Variants in OSBPL5 observed in about 807,000 individuals in gnomAD.
The protein encoded by OSBPL5 is oxysterol-binding protein-related protein 5.
In OSBPL5, 71 loss-of-function variants were observed where a neutral mutation model predicts 111.2. The ratio of observed to expected loss-of-function variants is 0.64; its 90% CI spans 0.53 to 0.78. The LOEUF (loss-of-function observed/expected upper bound fraction) is 0.78, where lower values mean the gene tolerates loss of function less well. OSBPL5 is among the 30% of genes least tolerant of loss of function. The pLI, the probability that OSBPL5 is intolerant of heterozygous loss-of-function variation, is 0.00. For synonymous variants in OSBPL5, 549 were observed against 513.9 expected, an observed-to-expected ratio of 1.07 and a Z score of -0.93; for missense variants, 1,210 against 1,189.3, an observed-to-expected ratio of 1.02 and a Z score of -0.26.
chr11:3,161,809 C>T lies in OSBPL5; in HGVS notation c.-22+3407G>A, dbSNP rs1469922159. On this transcript the variant is annotated intron_variant, in intron 1 of 21. Coordinates refer to ENST00000263650, the MANE Select transcript of OSBPL5 (RefSeq NM_020896.4). This position sits in a 1 kb window ranked among gnomAD's most constrained non-coding sequence, Gnocchi z 8.0. ...TTTGGAATGGGTAACGGGCCAGGAA[C>T]AGAGACTCTCTCAGAGAGGCAGCAT... Among the ~76,000 whole-genome samples, 1 of 152,212 alleles carries T rather than the reference C, an allele frequency of 6.6e-6. No individual in the cohort carries two copies. The highest frequency in any genetic ancestry group is 1.5e-5 in the Non-Finnish European group (1 of 68,044).
Position 3,126,410 on chromosome 11 carries a change from C to A in OSBPL5, c.219+63G>T. 7.0e-7 allele frequency: 1 copy of A among 1,426,858 alleles called. No individual in the cohort carries two copies. Among genetic ancestry groups the A allele is most frequent in the Non-Finnish European group, 9.3e-7 (1 of 1,071,882 alleles). 88.4% of individuals were successfully genotyped at this position (1,426,858 alleles called of 1,614,324 possible). ...ACGCCCTGCTGTCCTTTTCCCCAGC[C>A]GTTTCCTGCTGTCCCCAGAGCCAGG... is the stretch of plus-strand genomic sequence containing the variant. On this transcript the variant is annotated intron_variant, in intron 3 of 21. Coordinates refer to ENST00000263650, the MANE Select transcript of OSBPL5 (RefSeq NM_020896.4). The surrounding 1 kb of genome is among the most constrained non-coding windows in gnomAD (Gnocchi z 6.5).
intron 1 of OSBPL5, 66 bp from the exon 2 acceptor site, chr11:3,129,235 T>C: frequency 7.5e-7 from 1 of 1,325,522 alleles, no homozygotes; most frequent in Non-Finnish European, 9.7e-7. Flanking sequence ...AGCCACATGG[T>C]GGGGGTGCCC....
intron 1 of OSBPL5, among the ~76,000 whole-genome samples, chr11:3,153,752 C>T (rs948348342): frequency 1.3e-5 from 2 of 152,264 alleles, no homozygotes; most frequent in Non-Finnish European, 2.9e-5. Context: ...CTCAAGCTGC[C>T]GGGAAGCACA....
intron 7 of OSBPL5, among the ~76,000 whole-genome samples, chr11:3,111,960 T>TGG (rs1554898108): frequency 6.7e-6 from 1 of 148,786 alleles, no homozygotes; most frequent in Admixed American, 6.7e-5. Context: ...AAGCTGTGTG[T>TGG]GTGTGTGTGC....
chr11:3,151,946 C>T (rs1846605774), intron 1 of OSBPL5, among the ~76,000 whole-genome samples: 1 of 152,266 alleles, frequency 6.6e-6, no homozygotes, highest in African/African-American at 2.4e-5. Flanking sequence ...CCCCCCTCTG[C>T]CTCTCGAGCC....
chr11:3,103,345 A>G (rs1472377131), intron 10 of OSBPL5, 25 bp from the exon 11 acceptor site: 2 of 1,583,974 alleles, frequency 1.3e-6, no homozygotes, highest in Non-Finnish European at 8.6e-7. Context: ...GAGAACGCTG[A>G]CCCCAGCTCC....
chr11:3,098,033 A>C (rs1590640208), intron 14 of OSBPL5, among the ~76,000 whole-genome samples: 1 of 152,094 alleles, frequency 6.6e-6, no homozygotes, highest in Non-Finnish European at 1.5e-5. Context: ...ATGCCATTGC[A>C]CTCCAGCCCG....
intron 1 of OSBPL5, among the ~76,000 whole-genome samples, chr11:3,129,504 C>T (rs1340932449): frequency 6.6e-6 from 1 of 152,192 alleles, no homozygotes; most frequent in Non-Finnish European, 1.5e-5. Flanking sequence ...CAGGCAGACC[C>T]ACGTGTAGAC....
At chr11:3,160,642 A>T (rs1004826427) in intron 1 of OSBPL5, among the ~76,000 whole-genome samples, 12 of 149,920 alleles carry the variant, frequency 8.0e-5, no homozygotes, top group African/African-American at 3.0e-4. Context: ...TCTGCTGACC[A>T]TCCCCAAAGT....
chr11:3,120,717 G>C, intron 5 of OSBPL5, 93 bp from the exon 6 acceptor site: 2 of 1,436,264 alleles, frequency 1.4e-6, no homozygotes, highest in Non-Finnish European at 1.9e-6. Flanking sequence ...GCACAGACCA[G>C]GGTGGGCTGC....
rs548728978 is a variant in OSBPL5, at chr11:3,110,234, C to G, written c.692-2289G>C. Among the ~76,000 whole-genome samples, 68 of 152,322 alleles carry G rather than the reference C, an allele frequency of 4.5e-4. No individual in the cohort carries two copies. The highest frequency in any genetic ancestry group is 1.6e-3 in the African/African-American group (67 of 41,574). On this transcript the variant is annotated intron_variant, in intron 7 of 21. Coordinates refer to ENST00000263650, the MANE Select transcript of OSBPL5 (RefSeq NM_020896.4). This position sits in a 1 kb window ranked among gnomAD's most constrained non-coding sequence, Gnocchi z 5.3. ...CCGGCGGGATGGGAGCCCTTCACCC[C>G]ACTGCTCTGGGAGGCATCACCCTGG...
chr11:3,089,801 A>G (rs1181176951), intron 21 of OSBPL5, 45 bp downstream of exon 21: 1 of 1,523,034 alleles, frequency 6.6e-7, no homozygotes, highest in Non-Finnish European at 8.9e-7. Flanking sequence ...GGTCTCTCGC[A>G]CTCTCTGACC....
In OSBPL5 at chr11:3,107,539, CG is replaced by C. The variant is rs1189494893; in HGVS notation, c.867-85del. 4.7e-6 allele frequency: 7 copies of C among 1,491,868 alleles called. No homozygotes were observed. Among genetic ancestry groups the C allele is most frequent in the Non-Finnish European group, 6.5e-6 (7 of 1,083,666 alleles). 92.4% of individuals were successfully genotyped at this position (1,491,868 alleles called of 1,614,324 possible). ...CTGGGCTGCCCACCCCTCGCTGCTC[CG>C]CACTTCACATACGTTCCTGCCTGTC... On this transcript the variant is annotated intron_variant, in intron 8 of 21. Coordinates refer to ENST00000263650, the MANE Select transcript of OSBPL5 (RefSeq NM_020896.4). The surrounding 1 kb of genome is among the most constrained non-coding windows in gnomAD (Gnocchi z 6.1).
rs966831881 is a variant in OSBPL5 at position 3,105,649 on chromosome 11, G to A, written c.1060-1272C>T. Among the ~76,000 whole-genome samples the A allele has an allele frequency of 2.0e-5, 3 of 151,966 alleles. No individual in the cohort carries two copies. The highest frequency in any genetic ancestry group is 4.4e-5 in the Non-Finnish European group (3 of 67,984). On this transcript the variant is annotated intron_variant, in intron 9 of 21. Coordinates refer to ENST00000263650, the MANE Select transcript of OSBPL5 (RefSeq NM_020896.4). This position sits in a 1 kb window ranked among gnomAD's most constrained non-coding sequence, Gnocchi z 5.2. Reference sequence around the variant, plus strand: ...TGCTTCTCATCCTGCCCCACCTCTCGGACCAGCTGGCTCTGAGACACCTGG... The same window carrying A: ...TGCTTCTCATCCTGCCCCACCTCTCAGACCAGCTGGCTCTGAGACACCTGG...
chr11:3,124,557 C>A (rs1858534587), intron 3 of OSBPL5, among the ~76,000 whole-genome samples: 1 of 152,188 alleles, frequency 6.6e-6, no homozygotes, highest in African/African-American at 2.4e-5. Flanking sequence ...GGCTGGGTAG[C>A]CCCTGCTCCT....
chr11:3,122,079 C>A lies in OSBPL5; in HGVS notation c.320G>T (p.Arg107Leu). The A allele has an allele frequency of 6.3e-7, 1 of 1,577,008 alleles. No homozygotes were observed. The highest frequency in any genetic ancestry group is 2.3e-5 in the East Asian group (1 of 43,694). ...ETLKAQKENY[R>L]QEKKRATRQL... Reference sequence around the variant, plus strand: ...CCGTGTGGCGCGCTTCTTCTCCTGCCGGTAGTTCTCCTTCTGCGCCTGGGC... The same window carrying A: ...CCGTGTGGCGCGCTTCTTCTCCTGCAGGTAGTTCTCCTTCTGCGCCTGGGC... The change falls in exon 5 of 22, where the codon CGG (arginine) becomes CTG (leucine). Residue 107 changes from arginine to leucine, a missense_variant. By Grantham distance (102) the Arg-to-Leu change is moderately radical. Transcript: ENST00000263650.
rs563270463 is a variant in OSBPL5, at chr11:3,149,145, GGCTTCCAGCCTTATCA to G, written c.-22+16055_-22+16070del. ...TGTCTTAGCAATAGCCCTTTCCAGA[GGCTTCCAGCCTTATCA>G]GCTTCCAGCCTTATCAGAATGGCTC... On this transcript the variant is annotated intron_variant, in intron 1 of 21. Transcript: ENST00000263650. Among the ~76,000 whole-genome samples, 39 of 152,336 alleles carry G rather than the reference GGCTTCCAGCCTTATCA, an allele frequency of 2.6e-4. 1 individual carries two copies. In the South Asian group the frequency reaches 6.8e-3, roughly 27 times the overall value.
chr11:3,094,259 G>A lies in OSBPL5; in HGVS notation c.1697C>T (p.Ala566Val). The A allele has an allele frequency of 6.2e-7, 1 of 1,613,556 alleles. No homozygotes were observed. Among genetic ancestry groups the A allele is most frequent in the Non-Finnish European group, 8.5e-7 (1 of 1,179,942 alleles). Residue 566 changes from alanine to valine, a missense_variant, in exon 15 of 22, where the codon GCC becomes GTC. Transcript: ENST00000263650. ...TIECAKNNFQ[A>V]QLEFKLKPFF... Reference sequence around the variant, plus strand: ...TACCTTGAGTTTGAATTCCAGCTGGGCCTGGAAGTTGTTCTTCGCACACTC... The same window carrying A: ...TACCTTGAGTTTGAATTCCAGCTGGACCTGGAAGTTGTTCTTCGCACACTC...
chr11:3,150,808 G>T (rs1846555922), intron 1 of OSBPL5, among the ~76,000 whole-genome samples: 1 of 152,166 alleles, frequency 6.6e-6, no homozygotes, highest in Non-Finnish European at 1.5e-5. Context: ...ACACGACTGT[G>T]ATCACGCACG....
Sources: gnomAD v4.1 joint callset for allele counts (sites outside exome capture counted in the v4.1 genomes callset) on GRCh38, gnomAD v4.1.1 for gene constraint, Gnocchi (gnomAD v3.1) non-coding constraint, MANE v1.5 for transcripts, NCBI Gene and HGNC (gene_info 2026-07-23, HGNC 2026-07-21) for gene names.